The following PDE6A variants were observed in gnomAD, a reference collection of about 807,000 sequenced individuals.
The protein encoded by PDE6A is rod cGMP-specific 3',5'-cyclic phosphodiesterase subunit alpha.
In PDE6A, 84 loss-of-function variants were observed where a neutral mutation model predicts 106.3. That is an observed-to-expected ratio of 0.79 (90% confidence interval 0.66 to 0.95). The LOEUF (loss-of-function observed/expected upper bound fraction) is 0.95, where lower values mean the gene tolerates loss of function less well. Among genes scored for constraint, PDE6A ranks in the 40% least tolerant of loss-of-function variants. PDE6A has a pLI of 0.00. For synonymous variants in PDE6A, 394 were observed against 386.6 expected (o/e 1.02, Z -0.23); for missense variants, 1,052 against 1,084.9 (o/e 0.97, Z 0.43).
chr5:149,891,278 T>A (rs1752536373), intron 13 of PDE6A, among the ~76,000 whole-genome samples: 1 of 152,162 alleles, frequency 6.6e-6, no homozygotes, highest in African/African-American at 2.4e-5. Flanking sequence ...GAGACCAGCC[T>A]GGCCAACATG....
intron 9 of PDE6A, 145 bp downstream of exon 9, chr5:149,899,230 T>A: frequency 1.3e-6 from 1 of 779,630 alleles, no homozygotes. Context: ...AGTACAGCAG[T>A]GAGAGTGAAG....
At chr5:149,884,222 A>C (rs1761038297) in intron 16 of PDE6A, among the ~76,000 whole-genome samples, 1 of 148,006 alleles carries the variant, frequency 6.8e-6, no homozygotes, top group African/African-American at 2.5e-5. Context: ...ATATACACAC[A>C]CACATATATA....
At chr5:149,940,202 T>C (rs1359952143) in intron 1 of PDE6A, 2 of 152,228 alleles carry the variant, frequency 1.3e-5, no homozygotes, top group African/African-American at 4.8e-5. Context: ...TGTTTCATCA[T>C]CTGTGAAACA....
At chr5:149,929,665 T>C (rs1042614012) in intron 4 of PDE6A, among the ~76,000 whole-genome samples, 29 of 150,122 alleles carry the variant, frequency 1.9e-4, no homozygotes, top group Non-Finnish European at 1.9e-4. Flanking sequence ...CACAAAAGCA[T>C]GTGTATTGTA....
intron 4 of PDE6A, among the ~76,000 whole-genome samples, chr5:149,925,751 C>T (rs1480925034): frequency 6.9e-6 from 1 of 145,900 alleles, no homozygotes; most frequent in African/African-American, 2.5e-5. Context: ...GAAGATGGAT[C>T]GAAGAAATAT....
chr5:149,935,665 C>T (rs1027802119), intron 1 of PDE6A, among the ~76,000 whole-genome samples: 6 of 152,196 alleles, frequency 3.9e-5, no homozygotes, highest in African/African-American at 1.4e-4. Flanking sequence ...GTGGACCATG[C>T]GGTCAGGATG....
intron 7 of PDE6A, among the ~76,000 whole-genome samples, chr5:149,905,166 T>C (rs953954961): frequency 6.6e-6 from 1 of 152,158 alleles, no homozygotes; most frequent in Non-Finnish European, 1.5e-5. Flanking sequence ...GACACTGCCC[T>C]CTCCTGGGTC....
intron 6 of PDE6A, among the ~76,000 whole-genome samples, chr5:149,911,195 A>G (rs1004312116): frequency 9.9e-5 from 15 of 152,074 alleles, no homozygotes; most frequent in Admixed American, 9.2e-4. Context: ...GCCAGTTTCA[A>G]TTGGCATGAT....
At chr5:149,916,240 G>T (rs899025611) in intron 5 of PDE6A, among the ~76,000 whole-genome samples, 2 of 152,088 alleles carry the variant, frequency 1.3e-5, no homozygotes, top group African/African-American at 4.8e-5. Flanking sequence ...GTCTTCCTTT[G>T]CCCCAAAACA....
chr5:149,870,124 A>G (rs142114984), intron 17 of PDE6A, among the ~76,000 whole-genome samples: 183 of 152,274 alleles, frequency 1.2e-3, no homozygotes, highest in African/African-American at 4.0e-3. Flanking sequence ...CCCTGTCCCT[A>G]TGAAAAATAC....
chr5:149,913,000 A>C (rs566098384), intron 6 of PDE6A, among the ~76,000 whole-genome samples: 1 of 152,274 alleles, frequency 6.6e-6, no homozygotes, highest in East Asian at 1.9e-4. Flanking sequence ...TGGCTCTAGA[A>C]GCTAGAAAAG....
chr5:149,872,506 A>G (rs895292856), intron 17 of PDE6A, among the ~76,000 whole-genome samples: 2 of 151,982 alleles, frequency 1.3e-5, no homozygotes, highest in African/African-American at 4.8e-5. Context: ...GACCATCCCC[A>G]AGGCAAATGT....
chr5:149,863,042 G>A lies in PDE6A; in HGVS notation c.2506+77C>T. On this transcript the variant is annotated intron_variant, in intron 21 of 21. Transcript: ENST00000255266. The surrounding 1 kb of genome is among the most constrained non-coding windows in gnomAD (Gnocchi z 4.7). ...GGCCTGAATGAGACTCCGTGTAAGA[G>A]TCTCTGAGGCAGGACGCAGACACTG... The A allele has an allele frequency of 6.4e-7, 1 of 1,562,988 alleles. No individual in the cohort carries two copies. Among genetic ancestry groups the A allele is most frequent in the Non-Finnish European group, 8.8e-7 (1 of 1,133,534 alleles).
At chr5:149,925,096 C>T (rs1206920198) in intron 4 of PDE6A, among the ~76,000 whole-genome samples, 1 of 152,142 alleles carries the variant, frequency 6.6e-6, no homozygotes, top group Non-Finnish European at 1.5e-5. Context: ...AAAACCATCC[C>T]CTTTGGAGGA....
At chr5:149,919,612 CTTT>C (rs1753646079) in intron 5 of PDE6A, among the ~76,000 whole-genome samples, 2 of 152,164 alleles carry the variant, frequency 1.3e-5, no homozygotes, top group Admixed American at 6.5e-5. Context: ...GGTAACTAGG[CTTT>C]TTCCACTCAC....
intron 8 of PDE6A, among the ~76,000 whole-genome samples, chr5:149,900,397 A>ATATC (rs1240396619): frequency 1.5e-4 from 20 of 135,030 alleles, no homozygotes; most frequent in African/African-American, 4.2e-4. Context: ...ATATATATAT[A>ATATC]TCCGTTGGTT....
chr5:149,884,145 G>A (rs752541070), intron 16 of PDE6A, among the ~76,000 whole-genome samples: 24 of 149,348 alleles, frequency 1.6e-4, no homozygotes, highest in Non-Finnish European at 2.4e-4. Context: ...TGGTGCCACC[G>A]CACTCTAGCC....
Position 149,907,195 on chromosome 5 carries a change from G to A in PDE6A, c.1065+117C>T, listed in dbSNP as rs1276882822. The A allele has an allele frequency of 1.3e-5, 11 of 828,664 alleles. No homozygotes were observed. In the East Asian group the frequency reaches 2.4e-4, roughly 18 times the overall value. 51.3% of individuals were successfully genotyped at this position (828,664 alleles called of 1,614,324 possible). A position where few individuals can be genotyped will look rare whatever the true frequency, so the allele number is the denominator to read the frequency against. On this transcript the variant is annotated intron_variant, in intron 7 of 21. Coordinates refer to ENST00000255266, the MANE Select transcript of PDE6A (RefSeq NM_000440.3). ...TGAATTGAGAGAAACAAGAGAATTA[G>A]GCTTTTAGAGATCCACACTTGCCAT...
At chr5:149,922,772 C>T (rs76075226) in intron 4 of PDE6A, among the ~76,000 whole-genome samples, 5,812 of 152,144 alleles carry the variant, frequency 0.038, 375 homozygotes, top group African/African-American at 0.13. Flanking sequence ...GACAATAGAC[C>T]TATATCTGGG....
Sources: allele counts gnomAD v4.1 joint callset (sites outside exome capture counted in the v4.1 genomes callset), GRCh38; gene constraint gnomAD v4.1.1; non-coding constraint Gnocchi (gnomAD v3.1); transcripts MANE v1.5; gene names NCBI Gene and HGNC (gene_info 2026-07-23, HGNC 2026-07-21).